Variants in PRKAR2B observed in about 807,000 individuals in gnomAD.
PRKAR2B encodes the protein protein kinase cAMP-dependent type II regulatory subunit beta.
Under a neutral mutation model 49.9 loss-of-function variants are expected in PRKAR2B, and 14 were observed. The ratio of observed to expected loss-of-function variants is 0.28; its 90% CI spans 0.19 to 0.44. PRKAR2B has a LOEUF of 0.44. Among genes scored for constraint, PRKAR2B ranks in the 20% least tolerant of loss-of-function variants. PRKAR2B has a pLI of 1.00. For missense variants in PRKAR2B, 393 were observed against 537.9 expected, an observed-to-expected ratio of 0.73 and a Z score of 2.67; for synonymous variants, 196 against 197.7, an observed-to-expected ratio of 0.99 and a Z score of 0.07.
chr7:107,138,720 G>A (rs557042130), intron 4 of PRKAR2B, among the ~76,000 whole-genome samples: 3 of 151,722 alleles, frequency 2.0e-5, no homozygotes, highest in African/African-American at 7.3e-5. Context: ...GTCTCACTCT[G>A]TTGCCCAGGC....
chr7:107,138,036 C>T (rs537139031), intron 4 of PRKAR2B, among the ~76,000 whole-genome samples: 2 of 152,144 alleles, frequency 1.3e-5, no homozygotes, highest in African/African-American at 2.4e-5. Flanking sequence ...TATATTTCCT[C>T]CTTTTTGTTT....
At chr7:107,064,486 TATAATC>T (rs1794092933) in intron 1 of PRKAR2B, among the ~76,000 whole-genome samples, 1 of 152,176 alleles carries the variant, frequency 6.6e-6, no homozygotes, top group Non-Finnish European at 1.5e-5. Flanking sequence ...TTCTTTGCTG[TATAATC>T]AAAAAGGAAG....
intron 5 of PRKAR2B, among the ~76,000 whole-genome samples, chr7:107,146,031 G>T (rs1795887815): frequency 6.6e-6 from 1 of 152,044 alleles, no homozygotes; most frequent in South Asian, 2.1e-4. Context: ...GTGAGACCCG[G>T]CCTCTCCAGA....
At chr7:107,058,998 T>C (rs1411577967) in intron 1 of PRKAR2B, among the ~76,000 whole-genome samples, 4 of 152,198 alleles carry the variant, frequency 2.6e-5, no homozygotes, top group Non-Finnish European at 5.9e-5. Flanking sequence ...TTTTATTTTT[T>C]TTCCTGGCCA....
chr7:107,102,932 A>T (rs1795001665), intron 2 of PRKAR2B, among the ~76,000 whole-genome samples: 1 of 152,122 alleles, frequency 6.6e-6, no homozygotes, highest in Non-Finnish European at 1.5e-5. Context: ...CAGCCTCCCA[A>T]AGTGTTGGGA....
intron 2 of PRKAR2B, among the ~76,000 whole-genome samples, chr7:107,087,853 A>G (rs542839223): frequency 1.4e-4 from 22 of 152,284 alleles, no homozygotes; most frequent in African/African-American, 5.1e-4. Context: ...CTCACCTAGT[A>G]CATCTCTGCC....
intron 3 of PRKAR2B, 72 bp from the exon 4 acceptor site, chr7:107,128,140 A>G (rs1795531741): frequency 1.0e-6 from 1 of 982,514 alleles, no homozygotes; most frequent in South Asian, 1.5e-5. Flanking sequence ...GATTTTTGTT[A>G]GTTTTTAAAA....
intron 3 of PRKAR2B, among the ~76,000 whole-genome samples, chr7:107,126,054 C>T (rs1795476950): frequency 7.8e-6 from 1 of 128,378 alleles, no homozygotes; most frequent in Non-Finnish European, 1.6e-5. Context: ...CACCACTGCA[C>T]TTTAGCCTGG....
intron 1 of PRKAR2B, among the ~76,000 whole-genome samples, chr7:107,065,353 TG>T (rs1794117837): frequency 6.6e-6 from 1 of 151,188 alleles, no homozygotes; most frequent in South Asian, 2.1e-4. Flanking sequence ...TGTGTGTGTG[TG>T]TGTGTGTGTG....
chr7:107,058,897 A>G (rs1793968434), intron 1 of PRKAR2B, among the ~76,000 whole-genome samples: 2 of 152,240 alleles, frequency 1.3e-5, no homozygotes, highest in African/African-American at 2.4e-5. Flanking sequence ...CGTATTTTCA[A>G]TATAGAGAAA....
At chr7:107,107,770 G>T (rs764742080) in intron 2 of PRKAR2B, among the ~76,000 whole-genome samples, 1 of 151,920 alleles carries the variant, frequency 6.6e-6, no homozygotes, top group Admixed American at 6.6e-5. Flanking sequence ...CAATTCTCCG[G>T]CCTCAGCCTC....
At chr7:107,108,937 A>G (rs1444582051) in intron 2 of PRKAR2B, among the ~76,000 whole-genome samples, 1 of 152,210 alleles carries the variant, frequency 6.6e-6, no homozygotes. Context: ...GTCCAGCCAA[A>G]TGACTGCTCC....
chr7:107,068,421 T>C (rs1380045816), intron 1 of PRKAR2B: 1 of 152,182 alleles, frequency 6.6e-6, no homozygotes, highest in Non-Finnish European at 1.5e-5. Context: ...TCACTGTCCT[T>C]GTAGCTTGCT....
chr7:107,097,232 T>C (rs1794858401), intron 2 of PRKAR2B, among the ~76,000 whole-genome samples: 1 of 152,216 alleles, frequency 6.6e-6, no homozygotes. Flanking sequence ...AGTTAGCTCT[T>C]GTTGAATTGA....
chr7:107,062,519 A>C (rs1794044914), intron 1 of PRKAR2B, among the ~76,000 whole-genome samples: 1 of 152,200 alleles, frequency 6.6e-6, no homozygotes, highest in Admixed American at 6.5e-5. Flanking sequence ...GCTAAACTAC[A>C]GTGGTAGAAA....
chr7:107,066,266 G>A (rs1048331311), intron 1 of PRKAR2B, among the ~76,000 whole-genome samples: 2 of 147,512 alleles, frequency 1.4e-5, no homozygotes, highest in South Asian at 2.1e-4. Flanking sequence ...CTATTTTTTC[G>A]TTCTATCCTA....
intron 1 of PRKAR2B, among the ~76,000 whole-genome samples, chr7:107,067,794 C>T (rs1794184593): frequency 6.6e-6 from 1 of 152,096 alleles, no homozygotes; most frequent in Admixed American, 6.6e-5. Flanking sequence ...AGTAAAATTC[C>T]AAACAAAGCA....
intron 2 of PRKAR2B, among the ~76,000 whole-genome samples, chr7:107,119,713 A>G (rs374179604): frequency 2.0e-5 from 3 of 152,348 alleles, no homozygotes; most frequent in South Asian, 2.1e-4. Context: ...TCACCAAGCA[A>G]TCTTTCAATA....
intron 2 of PRKAR2B, among the ~76,000 whole-genome samples, chr7:107,095,176 T>C (rs183101196): frequency 2.6e-5 from 4 of 152,348 alleles, no homozygotes; most frequent in Non-Finnish European, 1.5e-5. Flanking sequence ...TCCTCTTTTA[T>C]TTCGTTGAGC....
Sources: gnomAD v4.1 joint callset for allele counts (sites outside exome capture counted in the v4.1 genomes callset) on GRCh38, gnomAD v4.1.1 for gene constraint, MANE v1.5 for transcripts, NCBI Gene and HGNC (gene_info 2026-07-23, HGNC 2026-07-21) for gene names.